Variants in CACNA2D3 observed in about 807,000 individuals in gnomAD.
The protein encoded by CACNA2D3 is voltage-dependent calcium channel subunit alpha-2/delta-3.
A neutral mutation model predicts 160.6 loss-of-function variants in CACNA2D3; 60 were observed. The ratio of observed to expected loss-of-function variants is 0.37; its 90% confidence interval spans 0.30 to 0.46. CACNA2D3 has a LOEUF of 0.46. Among genes scored for constraint, CACNA2D3 ranks in the 20% least tolerant of loss-of-function variants. The probability of loss-of-function intolerance (pLI) is 1.00; values close to 1 mark genes in which losing one functional copy is unlikely to be tolerated. For missense variants in CACNA2D3, 1,205 were observed against 1,365.0 expected (o/e 0.88, Z 1.85); for synonymous variants, 558 against 492.9 (o/e 1.13, Z -1.75).
chr3:54,906,793 A>G (rs1700457631), intron 27 of CACNA2D3, among the ~76,000 whole-genome samples: 2 of 152,342 alleles, frequency 1.3e-5, no homozygotes, highest in South Asian at 4.1e-4. Flanking sequence ...GGACAGAAGC[A>G]GGTCTAAGCC....
At chr3:54,877,480 T>G (rs1699689393) in intron 18 of CACNA2D3, among the ~76,000 whole-genome samples, 1 of 152,120 alleles carries the variant, frequency 6.6e-6, no homozygotes, top group Non-Finnish European at 1.5e-5. Context: ...ATGGGATGGG[T>G]GCTGGCATTA....
At chr3:54,918,705 C>A (rs1409328391) in intron 27 of CACNA2D3, 10 of 1,614,128 alleles carry the variant, frequency 6.2e-6, no homozygotes, top group Non-Finnish European at 6.8e-6. Context: ...GTTCTCGCTC[C>A]CCCGCGTTGT....
intron 35 of CACNA2D3, among the ~76,000 whole-genome samples, chr3:55,058,080 T>C (rs1350775582): frequency 6.6e-6 from 1 of 152,188 alleles, no homozygotes; most frequent in East Asian, 1.9e-4. Flanking sequence ...TTCAAACGTC[T>C]TCCTGGCTAT....
intron 2 of CACNA2D3, among the ~76,000 whole-genome samples, chr3:54,305,253 A>G (rs1037564173): frequency 6.6e-6 from 1 of 152,230 alleles, no homozygotes; most frequent in Non-Finnish European, 1.5e-5. Flanking sequence ...TAATACATGA[A>G]CCTATGTTCT....
chr3:54,289,752 C>T lies in CACNA2D3; in HGVS notation c.205-30690C>T, dbSNP rs867156056. ...AGAACAGAGCCCTCAGAAATAATGC[C>T]GCATATCTACAACCATCTGATCTTT... On this transcript the variant is annotated intron_variant, in intron 2 of 37. Coordinates refer to ENST00000474759, the MANE Select transcript of CACNA2D3 (RefSeq NM_018398.3). 4.5e-4 allele frequency among the ~76,000 whole-genome samples: 69 copies of T among 152,128 alleles called. 1 individual carries two copies. In the South Asian group the frequency reaches 9.5e-3, roughly 21 times the overall value.
chr3:54,154,666 T>G (rs1409382387), intron 2 of CACNA2D3, among the ~76,000 whole-genome samples: 1 of 152,176 alleles, frequency 6.6e-6, no homozygotes, highest in African/African-American at 2.4e-5. Flanking sequence ...CTGGGTGGAT[T>G]TACCCAGTCT....
chr3:54,848,795 C>T (rs145000495), intron 17 of CACNA2D3, among the ~76,000 whole-genome samples: 1,737 of 152,310 alleles, frequency 0.011, 34 homozygotes, highest in African/African-American at 0.04. Context: ...ACACAGGCTC[C>T]CTGAGCTGCA....
chr3:54,881,395 C>A (rs1019724429), intron 21 of CACNA2D3, among the ~76,000 whole-genome samples: 6 of 152,174 alleles, frequency 3.9e-5, no homozygotes, highest in African/African-American at 7.2e-5. Flanking sequence ...TTACATAGGT[C>A]AGAGGGAGTA....
intron 2 of CACNA2D3, among the ~76,000 whole-genome samples, chr3:54,209,693 A>G (rs1192710777): frequency 3.4e-4 from 52 of 152,192 alleles, no homozygotes; most frequent in Non-Finnish European, 2.9e-5. Flanking sequence ...TCAAACCTGG[A>G]CTCAAGCAGT....
chr3:54,854,925 G>A (rs930988046), intron 17 of CACNA2D3, among the ~76,000 whole-genome samples: 1 of 152,068 alleles, frequency 6.6e-6, no homozygotes, highest in East Asian at 1.9e-4. Context: ...AGTTCTTCTG[G>A]GTCCCTCTTG....
chr3:55,062,446 C>G (rs564122118), intron 35 of CACNA2D3, among the ~76,000 whole-genome samples: 1 of 151,930 alleles, frequency 6.6e-6, no homozygotes, highest in African/African-American at 2.4e-5. Flanking sequence ...TATTCAATGA[C>G]GTGTAGAAAA....
intron 4 of CACNA2D3, among the ~76,000 whole-genome samples, chr3:54,420,486 C>T (rs1476103438): frequency 1.3e-5 from 2 of 152,156 alleles, no homozygotes; most frequent in East Asian, 1.9e-4. Flanking sequence ...TCATATGCCC[C>T]AACTTCATCT....
chr3:54,587,940 A>G (rs529929477), intron 9 of CACNA2D3, among the ~76,000 whole-genome samples: 7 of 152,222 alleles, frequency 4.6e-5, no homozygotes, highest in Non-Finnish European at 1.0e-4. Flanking sequence ...TCTCTTCCAG[A>G]AAAATAGAAG....
chr3:54,433,502 T>C (rs1159382931), intron 4 of CACNA2D3, among the ~76,000 whole-genome samples: 2 of 152,220 alleles, frequency 1.3e-5, no homozygotes, highest in Admixed American at 6.5e-5. Context: ...TCCATCCTCC[T>C]TGGACAACAT....
chr3:54,969,521 A>G (rs1354343876), intron 28 of CACNA2D3, among the ~76,000 whole-genome samples: 1 of 152,110 alleles, frequency 6.6e-6, no homozygotes, highest in Non-Finnish European at 1.5e-5. Context: ...TGGCCTCCCA[A>G]AGTGCAGGGA....
intron 4 of CACNA2D3, among the ~76,000 whole-genome samples, chr3:54,492,092 A>G (rs1029750968): frequency 6.6e-6 from 1 of 152,172 alleles, no homozygotes; most frequent in Non-Finnish European, 1.5e-5. Context: ...TGATTAGGCC[A>G]GAGCTGCTGG....
chr3:54,722,514 T>G (rs1350234507), intron 11 of CACNA2D3, among the ~76,000 whole-genome samples: 1 of 151,632 alleles, frequency 6.6e-6, no homozygotes, highest in Non-Finnish European at 1.5e-5. Context: ...ATTTTCAGCC[T>G]TTTTGTGCTG....
intron 12 of CACNA2D3, among the ~76,000 whole-genome samples, chr3:54,754,793 TGTG>T (rs756094772): frequency 6.6e-6 from 1 of 152,154 alleles, no homozygotes; most frequent in Non-Finnish European, 1.5e-5. Context: ...GTGAAGGGTT[TGTG>T]GGTCTTAGCT....
chr3:54,604,969 G>A (rs186862007), intron 9 of CACNA2D3, among the ~76,000 whole-genome samples: 2 of 152,306 alleles, frequency 1.3e-5, no homozygotes, highest in Admixed American at 1.3e-4. Flanking sequence ...TCTGGAGGCT[G>A]ACAGTCTGAA....
Sources: gnomAD v4.1 joint callset for allele counts (sites outside exome capture counted in the v4.1 genomes callset) on GRCh38, gnomAD v4.1.1 for gene constraint, MANE v1.5 for transcripts, NCBI Gene and HGNC (gene_info 2026-07-23, HGNC 2026-07-21) for gene names.